PCDH11X: variants seen among roughly 807,000 people sequenced by gnomAD.
The protein encoded by PCDH11X is protocadherin-11 X-linked.
Under a neutral mutation model 53.3 loss-of-function variants are expected in PCDH11X, and 18 were observed. The observed-to-expected ratio is 0.34, with a 90% CI of 0.23 to 0.50. The LOEUF is 0.50. Among genes scored for constraint, PCDH11X ranks in the 20% least tolerant of loss-of-function variants. PCDH11X has a pLI of 0.98. For missense variants in PCDH11X, 570 were observed against 1,032.4 expected, an observed-to-expected ratio of 0.55 and a Z score of 6.14; for synonymous variants, 279 against 393.3, an observed-to-expected ratio of 0.71 and a Z score of 3.44.
intron 6 of PCDH11X, among the ~76,000 whole-genome samples, chrX:91,899,051 C>G (rs1335563196): frequency 9.0e-6 from 1 of 111,248 alleles, no homozygotes; most frequent in African/African-American, 3.3e-5. Context: ...AGGGACAGAA[C>G]CAATAGTATA....
intron 6 of PCDH11X, among the ~76,000 whole-genome samples, chrX:91,972,675 A>G (rs1346703458): frequency 9.5e-6 from 1 of 105,583 alleles, no homozygotes; most frequent in East Asian, 3.0e-4. Flanking sequence ...ATGGCTAGCC[A>G]GTTTTCCCAG....
At chrX:92,106,527 G>C (rs2064388263) in intron 6 of PCDH11X, among the ~76,000 whole-genome samples, 1 of 111,332 alleles carries the variant, frequency 9.0e-6, no homozygotes, top group Non-Finnish European at 1.9e-5. Context: ...CAGACACTTT[G>C]TGTTAATCTT....
At chrX:92,040,256 T>G (rs2063190435) in intron 6 of PCDH11X, among the ~76,000 whole-genome samples, 1 of 101,182 alleles carries the variant, frequency 9.9e-6, no homozygotes, top group East Asian at 3.2e-4. Context: ...CTTAGGAATT[T>G]TAGTCTTTGT....
intron 1 of PCDH11X, among the ~76,000 whole-genome samples, chrX:91,806,618 C>T (rs1047880052): frequency 1.8e-5 from 2 of 112,468 alleles, no homozygotes; most frequent in Non-Finnish European, 3.8e-5. Flanking sequence ...ATTAAATTTG[C>T]GTATGCAAGT....
chrX:92,270,656 C>T (rs970132993), intron 8 of PCDH11X, among the ~76,000 whole-genome samples: 60 of 111,341 alleles, frequency 5.4e-4, no homozygotes, highest in African/African-American at 1.5e-3. Flanking sequence ...AGGGAGGATA[C>T]GGTCTCATTA....
chrX:92,517,053 A>C (rs1208864807), intron 10 of PCDH11X, among the ~76,000 whole-genome samples: 1 of 112,292 alleles, frequency 8.9e-6, no homozygotes, highest in African/African-American at 3.2e-5. Context: ...GGTATTGTCC[A>C]GGCTGAATGT....
intron 8 of PCDH11X, among the ~76,000 whole-genome samples, chrX:92,313,914 A>T (rs182864890): frequency 2.6e-4 from 29 of 111,500 alleles, no homozygotes; most frequent in Admixed American, 2.3e-3. Flanking sequence ...GCAGGCCTGG[A>T]AGTTGCTCTG....
chrX:92,316,461 TATG>T (rs2069079160), intron 8 of PCDH11X, among the ~76,000 whole-genome samples: 1 of 110,726 alleles, frequency 9.0e-6, no homozygotes, highest in Non-Finnish European at 1.9e-5. Context: ...TGATATAAAA[TATG>T]ATGTATTATT....
At chrX:91,855,779 T>A (rs994974660) in intron 5 of PCDH11X, among the ~76,000 whole-genome samples, 38 of 111,372 alleles carry the variant, frequency 3.4e-4, no homozygotes, top group Non-Finnish European at 6.8e-4. Flanking sequence ...TGGAAATAAT[T>A]TTTAAATTCT....
At chrX:91,999,945 A>G (rs1432894339) in intron 6 of PCDH11X, among the ~76,000 whole-genome samples, 13 of 111,625 alleles carry the variant, frequency 1.2e-4, no homozygotes, top group Non-Finnish European at 2.1e-4. Context: ...AAATGGAAAT[A>G]TAACATTGGC....
At chrX:92,491,120 TTTTG>T (rs1435552875) in intron 10 of PCDH11X, among the ~76,000 whole-genome samples, 1 of 110,601 alleles carries the variant, frequency 9.0e-6, no homozygotes, top group Non-Finnish European at 1.9e-5. Flanking sequence ...AGTGACCATA[TTTTG>T]TCTATTCATA....
intron 5 of PCDH11X, among the ~76,000 whole-genome samples, chrX:91,843,847 A>T (rs190324502): frequency 6.0e-4 from 67 of 111,571 alleles, no homozygotes; most frequent in Non-Finnish European, 2.4e-4. Context: ...TCATTTTGAG[A>T]CTGGAAATAA....
Position 91,877,611 on chromosome X carries a change from A to G in PCDH11X, c.1371A>G (p.Lys457=). 1.7e-6 allele frequency: 2 copies of G among 1,210,607 alleles called. No homozygotes were observed. Among genetic ancestry groups the G allele is most frequent in the Non-Finnish European group, 2.2e-6 (2 of 895,142 alleles). Residue 457 remains lysine, a synonymous_variant, in exon 6 of 11, where the codon AAA becomes AAG. Transcript: ENST00000682573. ...CAGCAATGCTCTTCATCAAAGTGAA[A>G]GATGAAAATGACAATGCTCCAGTTT... ...NQSAMLFIKV[K]DENDNAPVFT...
intron 4 of PCDH11X, among the ~76,000 whole-genome samples, chrX:91,832,426 A>G (rs1282601156): frequency 1.0e-5 from 1 of 96,757 alleles, no homozygotes; most frequent in Non-Finnish European, 2.0e-5. Context: ...TCTCACTCAT[A>G]GGTGGGAATT....
intron 6 of PCDH11X, among the ~76,000 whole-genome samples, chrX:92,178,696 A>G (rs1603117959): frequency 8.9e-6 from 1 of 111,807 alleles, no homozygotes; most frequent in Non-Finnish European, 1.9e-5. Flanking sequence ...TTTACCAAGG[A>G]TAGAAGGAGA....
intron 5 of PCDH11X, among the ~76,000 whole-genome samples, chrX:91,849,059 AAATTT>A (rs903015523): frequency 9.1e-6 from 1 of 110,188 alleles, no homozygotes; most frequent in East Asian, 2.8e-4. Context: ...TAATTGAATT[AAATTT>A]AAGTATCTAG....
chrX:92,406,086 G>A (rs1414962751), intron 9 of PCDH11X, among the ~76,000 whole-genome samples: 1 of 70,498 alleles, frequency 1.4e-5, no homozygotes, highest in Admixed American at 2.0e-4. Flanking sequence ...GCAACAGAGT[G>A]AGACTCTGTC....
intron 4 of PCDH11X, among the ~76,000 whole-genome samples, chrX:91,828,987 T>A (rs1453378117): frequency 2.7e-5 from 3 of 110,163 alleles, no homozygotes; most frequent in African/African-American, 6.8e-5. Flanking sequence ...TTTACTGCAT[T>A]GTAATTTGAT....
At chrX:92,106,326 G>T (rs1327862674) in intron 6 of PCDH11X, among the ~76,000 whole-genome samples, 2 of 105,745 alleles carry the variant, frequency 1.9e-5, no homozygotes, top group Non-Finnish European at 3.8e-5. Flanking sequence ...CCTAAATTAT[G>T]TTAAATATTT....
Sources: gnomAD v4.1 joint callset for allele counts (sites outside exome capture counted in the v4.1 genomes callset) on GRCh38, gnomAD v4.1.1 for gene constraint, MANE v1.5 for transcripts, NCBI Gene and HGNC (gene_info 2026-07-23, HGNC 2026-07-21) for gene names.